KCNN3: variants seen among roughly 807,000 people sequenced by gnomAD.
The protein encoded by KCNN3 is small conductance calcium-activated potassium channel protein 3.
In KCNN3, 16 loss-of-function variants were observed where a neutral mutation model predicts 62.9. The observed-to-expected ratio is 0.25, with a 90% CI of 0.17 to 0.39. The LOEUF (loss-of-function observed/expected upper bound fraction) is 0.39, where lower values mean the gene tolerates loss of function less well. Ranked by LOEUF, KCNN3 falls within the 10% of genes least tolerant of loss-of-function variation. The pLI is 1.00. For missense variants in KCNN3, 599 were observed against 949.4 expected (o/e 0.63, Z 4.85); for synonymous variants, 370 against 389.2 (o/e 0.95, Z 0.58).
intron 1 of KCNN3, among the ~76,000 whole-genome samples, chr1:154,826,093 AACC>A (rs1651116346): frequency 6.8e-6 from 1 of 146,034 alleles, no homozygotes; most frequent in African/African-American, 2.8e-5. Flanking sequence ...AAACAAAAAA[AACC>A]AAAAAACACT....
rs547227639 is a variant in KCNN3, at chr1:154,789,027, T to C, written c.1030-16634A>G. Among the ~76,000 whole-genome samples the C allele has an allele frequency of 5.3e-5, 8 of 152,326 alleles. No homozygotes were observed. In the South Asian group the frequency reaches 1.5e-3, roughly 28 times the overall value. On this transcript the variant is annotated intron_variant, in intron 2 of 7. Coordinates refer to ENST00000271915, the MANE Select transcript of KCNN3 (RefSeq NM_002249.6). ...CATTACTTAAAACAACACAGATTTA[T>C]TATATTACAGCTCCGGAGGCCAGAT...
intron 2 of KCNN3, among the ~76,000 whole-genome samples, chr1:154,773,119 T>C (rs1345116166): frequency 1.3e-5 from 2 of 152,194 alleles, no homozygotes; most frequent in Non-Finnish European, 1.5e-5. Flanking sequence ...CCAGGTACTA[T>C]TGGGTACAGT....
At chr1:154,780,926 C>T (rs756301524) in intron 2 of KCNN3, among the ~76,000 whole-genome samples, 3 of 152,168 alleles carry the variant, frequency 2.0e-5, no homozygotes, top group Non-Finnish European at 4.4e-5. Flanking sequence ...TATGATTCTA[C>T]CATAAACAAG....
intron 1 of KCNN3, among the ~76,000 whole-genome samples, chr1:154,838,271 G>T (rs1455569442): frequency 6.6e-6 from 1 of 152,174 alleles, no homozygotes; most frequent in African/African-American, 2.4e-5. Context: ...GCTAGATCCA[G>T]ATCTAGAATT....
At chr1:154,775,168 C>T (rs1205224492) in intron 2 of KCNN3, among the ~76,000 whole-genome samples, 1 of 152,224 alleles carries the variant, frequency 6.6e-6, no homozygotes, top group East Asian at 1.9e-4. Flanking sequence ...AAGTTAGTCA[C>T]CAAGCAGCTT....
intron 2 of KCNN3, among the ~76,000 whole-genome samples, chr1:154,816,517 C>T (rs1650673146): frequency 6.6e-6 from 1 of 152,212 alleles, no homozygotes; most frequent in Admixed American, 6.5e-5. Flanking sequence ...CACCTCCCAT[C>T]CCTGCAACTT....
intron 2 of KCNN3, among the ~76,000 whole-genome samples, chr1:154,814,383 G>T (rs181409097): frequency 6.6e-6 from 1 of 152,228 alleles, no homozygotes; most frequent in Non-Finnish European, 1.5e-5. Flanking sequence ...CTGCCATGGA[G>T]CCCACAGTCA....
intron 1 of KCNN3, among the ~76,000 whole-genome samples, chr1:154,857,378 C>G (rs1311712448): frequency 6.6e-6 from 1 of 152,190 alleles, no homozygotes; most frequent in African/African-American, 2.4e-5. Flanking sequence ...AGCACGGCAC[C>G]TGGAGCTTCA....
chr1:154,718,864 C>T (rs1382854475), intron 5 of KCNN3, among the ~76,000 whole-genome samples: 3 of 152,208 alleles, frequency 2.0e-5, no homozygotes, highest in East Asian at 1.9e-4. Context: ...CCATATGCCT[C>T]AATACATGGT....
intron 1 of KCNN3, 100 bp from the exon 2 acceptor site, chr1:154,822,284 G>T: frequency 1.1e-6 from 1 of 890,118 alleles, no homozygotes; most frequent in Non-Finnish European, 1.8e-6. Flanking sequence ...GGACACAGGA[G>T]GGACTGTTAC....
intron 1 of KCNN3, among the ~76,000 whole-genome samples, chr1:154,844,996 AC>A (rs1651988301): frequency 9.3e-6 from 1 of 107,398 alleles, no homozygotes; most frequent in Non-Finnish European, 2.0e-5. Context: ...ACACAGCCAG[AC>A]CCCGTCTCAA....
At chr1:154,765,827 G>C (rs1648244102) in intron 3 of KCNN3, among the ~76,000 whole-genome samples, 2 of 149,794 alleles carry the variant, frequency 1.3e-5, no homozygotes, top group South Asian at 4.2e-4. Context: ...TTTTGTTTTT[G>C]GCAGAGATGG....
rs960379433 is a variant in KCNN3 at position 154,704,439 on chromosome 1, G to A, written c.*3537C>T. ...TTTATTTGGACTTCAATCTAAGGAGGAGTGAGCCCCTAGTCTGGTGTAATT... is the reference window on the plus strand; with the variant it reads ...TTTATTTGGACTTCAATCTAAGGAGAAGTGAGCCCCTAGTCTGGTGTAATT... On this transcript the variant is annotated 3_prime_UTR_variant, in exon 8 of 8. Coordinates refer to ENST00000271915, the MANE Select transcript of KCNN3 (RefSeq NM_002249.6). 1 of 152,180 alleles carries A rather than the reference G, an allele frequency of 6.6e-6. No individual in the cohort carries two copies. The highest frequency in any genetic ancestry group is 1.5e-5 in the Non-Finnish European group (1 of 68,030). 9.4% of individuals were successfully genotyped at this position (152,180 alleles called of 1,614,324 possible).
chr1:154,826,096 C>CA (rs1651117455), intron 1 of KCNN3, among the ~76,000 whole-genome samples: 2 of 144,150 alleles, frequency 1.4e-5, no homozygotes, highest in African/African-American at 2.7e-5. Context: ...CAAAAAAAAC[C>CA]AAAAAACACT....
chr1:154,838,881 A>G (rs1485121785), intron 1 of KCNN3, among the ~76,000 whole-genome samples: 4 of 152,208 alleles, frequency 2.6e-5, no homozygotes, highest in African/African-American at 9.7e-5. Context: ...ATGTTTGTGG[A>G]ATTAATTATC....
intron 3 of KCNN3, among the ~76,000 whole-genome samples, chr1:154,738,793 C>T (rs976981619): frequency 3.9e-5 from 6 of 152,128 alleles, no homozygotes; most frequent in African/African-American, 1.4e-4. Flanking sequence ...CAAACAAACA[C>T]GATCATTAAC....
intron 3 of KCNN3, among the ~76,000 whole-genome samples, chr1:154,734,597 GTGCAGGGCAGGC>G (rs1232807911): frequency 2.6e-5 from 4 of 152,194 alleles, no homozygotes; most frequent in Non-Finnish European, 5.9e-5. Context: ...TAAGTGAGGC[GTGCAGGGCAGGC>G]TGCATGTGTA....
Position 154,838,074 on chromosome 1 carries a change from T to A in KCNN3, c.934-15890A>T, listed in dbSNP as rs1015176782. 5.7e-4 allele frequency among the ~76,000 whole-genome samples: 87 copies of A among 152,228 alleles called. 1 individual carries two copies. In the Middle Eastern group the frequency reaches 0.017, roughly 30 times the overall value. On this transcript the variant is annotated intron_variant, in intron 1 of 7. Transcript: ENST00000271915. ...AGCTGCCACCAGCTGCTGACCACGG[T>A]GGGACAGCCAGCTGACAGGGGTCAG...
At chr1:154,750,513 C>G (rs999270870) in intron 3 of KCNN3, among the ~76,000 whole-genome samples, 2 of 152,136 alleles carry the variant, frequency 1.3e-5, no homozygotes, top group Admixed American at 1.3e-4. Flanking sequence ...GCAAAACCCC[C>G]TTCGCATCAA....
Sources: allele counts gnomAD v4.1 joint callset (sites outside exome capture counted in the v4.1 genomes callset), GRCh38; gene constraint gnomAD v4.1.1; transcripts MANE v1.5; gene names NCBI Gene and HGNC (gene_info 2026-07-23, HGNC 2026-07-21).